The following CRTAC1 variants were observed in gnomAD, a reference collection of about 807,000 sequenced individuals.
CRTAC1 encodes cartilage acidic protein 1, also known as acidic secreted protein in cartilage.
In CRTAC1, 37 loss-of-function variants were observed where a neutral mutation model predicts 67.8. That is an observed-to-expected ratio of 0.55 (90% confidence interval 0.42 to 0.72). The LOEUF (loss-of-function observed/expected upper bound fraction) is 0.72, where lower values mean the gene tolerates loss of function less well. CRTAC1 is among the 30% of genes least tolerant of loss of function. CRTAC1 has a pLI of 0.00. For missense variants in CRTAC1, 780 were observed against 931.6 expected (o/e 0.84, Z 2.12); for synonymous variants, 348 against 371.0 (o/e 0.94, Z 0.71).
At chr10:97,926,747 T>G (rs1386112420) in intron 3 of CRTAC1, among the ~76,000 whole-genome samples, 12 of 152,180 alleles carry the variant, frequency 7.9e-5, no homozygotes, top group Admixed American at 5.2e-4. Context: ...AAAATGCACT[T>G]GAAGTGTTCA....
At position 98,029,488 on chromosome 10, in the gene CRTAC1, AGCAGCGGCGGCGGCGGCGGCGGCGGCG is replaced by A. The variant is rs1264116913; in HGVS notation, c.24+934_24+960del. On this transcript the variant is annotated intron_variant, in intron 1 of 14. Coordinates refer to ENST00000370597, the MANE Select transcript of CRTAC1 (RefSeq NM_018058.7). The surrounding 1 kb of genome is among the most constrained non-coding windows in gnomAD (Gnocchi z 4.7). ...CACACTGGGTGCACCCACCAGCAGCAGCAGCGGCGGCGGCGGCGGCGGCGGCGGCGGCGGCGGCGGCAGCAGCAGCAA... is the reference window on the plus strand; with the variant it reads ...CACACTGGGTGCACCCACCAGCAGCAGCGGCGGCGGCGGCAGCAGCAGCAA... Among the ~76,000 whole-genome samples the A allele has an allele frequency of 3.3e-5, 4 of 122,840 alleles. No homozygotes were observed. The highest frequency in any genetic ancestry group is 2.4e-4 in the South Asian group (1 of 4,192). The allele number at this position is 122,840 out of a possible 152,430, so 80.6% of individuals were successfully genotyped here.
At chr10:97,874,605 G>A (rs762592834) in intron 14 of CRTAC1, among the ~76,000 whole-genome samples, 1 of 152,122 alleles carries the variant, frequency 6.6e-6, no homozygotes, top group South Asian at 2.1e-4. Flanking sequence ...GGCACTGAAC[G>A]GGCCCGGGGC....
intron 2 of CRTAC1, among the ~76,000 whole-genome samples, chr10:97,996,614 G>T (rs992934687): frequency 8.5e-5 from 13 of 152,176 alleles, no homozygotes; most frequent in African/African-American, 3.1e-4. Context: ...GGAGAAATAG[G>T]AACACTTTTA....
intron 2 of CRTAC1, among the ~76,000 whole-genome samples, chr10:97,952,353 AAAAAAAAT>A (rs1448579300): frequency 2.0e-5 from 3 of 150,378 alleles, no homozygotes; most frequent in African/African-American, 7.4e-5. Context: ...CTCCATCTCA[AAAAAAAAT>A]AAATAAATAA....
At position 97,900,202 on chromosome 10, in the gene CRTAC1, C is replaced by T. The variant is rs563745206; in HGVS notation, c.1133+1301G>A. ...CCTCCCTAGACACACTGCTCAGAGG[C>T]CTGCACATTCCCTCCATTTCTGAAA... On this transcript the variant is annotated intron_variant, in intron 8 of 14. Coordinates refer to ENST00000370597, the MANE Select transcript of CRTAC1 (RefSeq NM_018058.7). Among the ~76,000 whole-genome samples, 19 of 152,314 alleles carry T rather than the reference C, an allele frequency of 1.2e-4. No homozygotes were observed. The South Asian group carries it at 3.9e-3, about 32-fold the overall frequency.
intron 3 of CRTAC1, among the ~76,000 whole-genome samples, chr10:97,924,088 G>C (rs2050879292): frequency 1.3e-5 from 2 of 152,158 alleles, no homozygotes; most frequent in African/African-American, 4.8e-5. Context: ...AGCTCAGGGA[G>C]TTGCAGGTCT....
At chr10:97,979,661 C>T (rs1025008226) in intron 2 of CRTAC1, among the ~76,000 whole-genome samples, 11 of 152,264 alleles carry the variant, frequency 7.2e-5, no homozygotes, top group Admixed American at 3.9e-4. Context: ...GGCAGCAGAG[C>T]GGTGGTTCTC....
chr10:97,950,889 A>G (rs982849998), intron 2 of CRTAC1, among the ~76,000 whole-genome samples: 3 of 152,316 alleles, frequency 2.0e-5, no homozygotes, highest in East Asian at 1.9e-4. Flanking sequence ...TCATAGGTAC[A>G]TAAGTGGTGA....
At chr10:97,901,470 A>T in intron 8 of CRTAC1, 33 bp downstream of exon 8, 1 of 1,613,886 alleles carries the variant, frequency 6.2e-7, no homozygotes, top group Non-Finnish European at 8.5e-7. Context: ...GCTGTCAAGG[A>T]TGAAGAGCCA....
At chr10:97,999,143 A>G (rs1730414273) in intron 2 of CRTAC1, among the ~76,000 whole-genome samples, 1 of 152,192 alleles carries the variant, frequency 6.6e-6, no homozygotes, top group African/African-American at 2.4e-5. Context: ...CTGCCCTCCC[A>G]GGCACAGCTG....
chr10:98,004,771 G>A (rs1476740849), intron 2 of CRTAC1, among the ~76,000 whole-genome samples: 11 of 151,574 alleles, frequency 7.3e-5, no homozygotes, highest in Non-Finnish European at 1.3e-4. Flanking sequence ...AGCAAGTTTT[G>A]GAACAATATG....
chr10:97,932,345 T>C (rs2051015664), intron 3 of CRTAC1, among the ~76,000 whole-genome samples: 1 of 152,092 alleles, frequency 6.6e-6, no homozygotes, highest in South Asian at 2.1e-4. Flanking sequence ...AGGTGTTCAT[T>C]CAAAAATACG....
chr10:98,025,208 C>A lies in CRTAC1; in HGVS notation c.24+5241G>T, dbSNP rs1215221868. Among the ~76,000 whole-genome samples, 10 of 152,218 alleles carry A rather than the reference C, an allele frequency of 6.6e-5. No homozygotes were observed. In the East Asian group the frequency reaches 1.4e-3, roughly 21 times the overall value. On this transcript the variant is annotated intron_variant, in intron 1 of 14. Coordinates refer to ENST00000370597, the MANE Select transcript of CRTAC1 (RefSeq NM_018058.7). ...TGCTGTGATTCTGTGCTGCAATGCT[C>A]CAGTCCCGGGTTTCTCAATCTTGGT...
intron 2 of CRTAC1, among the ~76,000 whole-genome samples, chr10:97,982,048 G>A (rs1449113700): frequency 6.6e-6 from 1 of 152,194 alleles, no homozygotes; most frequent in Non-Finnish European, 1.5e-5. Flanking sequence ...TTTAAGTCAT[G>A]TACACTTAGC....
chr10:97,895,137 G>T lies in CRTAC1; in HGVS notation c.1486+108C>A. On this transcript the variant is annotated intron_variant, in intron 11 of 14. Transcript: ENST00000370597. The surrounding 1 kb of genome is among the most constrained non-coding windows in gnomAD (Gnocchi z 4.2). ...TCCCCAGTAGCTGGTGTCCACCATG[G>T]CTGTCACAGTAGAGCGGAGCGGTGC... 1.8e-6 allele frequency: 2 copies of T among 1,097,986 alleles called. No individual in the cohort carries two copies. The highest frequency in any genetic ancestry group is 2.6e-6 in the Non-Finnish European group (2 of 768,764). 68.0% of individuals were successfully genotyped at this position (1,097,986 alleles called of 1,614,324 possible).
chr10:98,029,491 AGCGGCGGCGGCGGCGGCGGCGGCG>A lies in CRTAC1; in HGVS notation c.24+934_24+957del, dbSNP rs71007374. 1.1e-4 allele frequency among the ~76,000 whole-genome samples: 15 copies of A among 140,364 alleles called. No individual in the cohort carries two copies. The highest frequency in any genetic ancestry group is 4.7e-4 in the South Asian group (2 of 4,258). The allele number at this position is 140,364 out of a possible 152,430, so 92.1% of individuals were successfully genotyped here. ...ACTGGGTGCACCCACCAGCAGCAGC[AGCGGCGGCGGCGGCGGCGGCGGCG>A]GCGGCGGCGGCGGCAGCAGCAGCAA... On this transcript the variant is annotated intron_variant, in intron 1 of 14. Coordinates refer to ENST00000370597, the MANE Select transcript of CRTAC1 (RefSeq NM_018058.7). This position sits in a 1 kb window ranked among gnomAD's most constrained non-coding sequence, Gnocchi z 4.7.
intron 1 of CRTAC1, among the ~76,000 whole-genome samples, chr10:98,026,970 G>C (rs762671620): frequency 6.6e-6 from 1 of 152,104 alleles, no homozygotes; most frequent in Non-Finnish European, 1.5e-5. Flanking sequence ...ACGAGGTCAG[G>C]AGATTGAGAC....
In CRTAC1 at chr10:98,029,838, C is replaced by T. The variant is rs1180865655; in HGVS notation, c.24+611G>A. Among the ~76,000 whole-genome samples, 1 of 152,204 alleles carries T rather than the reference C, an allele frequency of 6.6e-6. No homozygotes were observed. Among genetic ancestry groups the T allele is most frequent in the Non-Finnish European group, 1.5e-5 (1 of 68,028 alleles). On this transcript the variant is annotated intron_variant, in intron 1 of 14. Transcript: ENST00000370597. This position sits in a 1 kb window ranked among gnomAD's most constrained non-coding sequence, Gnocchi z 4.7. Reference sequence around the variant, plus strand: ...CTGAAGCCGGCTTGCCTCAGGCAGCCTGAAGGGAAGACCACACCTCGTCCA... The same window carrying T: ...CTGAAGCCGGCTTGCCTCAGGCAGCTTGAAGGGAAGACCACACCTCGTCCA...
In CRTAC1 at chr10:97,957,832, G is replaced by T. The variant is rs112520028; in HGVS notation, c.225-21466C>A. On this transcript the variant is annotated intron_variant, in intron 2 of 14. Transcript: ENST00000370597. ...ATACAAAAGACACACCGAATGGGGA[G>T]TTGGGGGAGGAGATGGTGGGTGAGG... Among the ~76,000 whole-genome samples, 43 of 152,296 alleles carry T rather than the reference G, an allele frequency of 2.8e-4. 1 individual carries two copies. Among genetic ancestry groups the T allele is most frequent in the African/African-American group, 1.0e-3 (43 of 41,554 alleles).
Sources: gnomAD v4.1 joint callset for allele counts (sites outside exome capture counted in the v4.1 genomes callset) on GRCh38, gnomAD v4.1.1 for gene constraint, Gnocchi (gnomAD v3.1) non-coding constraint, MANE v1.5 for transcripts, NCBI Gene and HGNC (gene_info 2026-07-23, HGNC 2026-07-21) for gene names.